SLC37A3: variants seen among roughly 807,000 people sequenced by gnomAD.
SLC37A3 encodes the protein solute carrier family 37 member 3.
In SLC37A3, 51 loss-of-function variants were observed where a neutral mutation model predicts 67.1. The observed-to-expected ratio is 0.76, with a 90% CI of 0.61 to 0.96. SLC37A3 has a LOEUF of 0.96. Ranked by LOEUF, SLC37A3 falls within the 40% of genes least tolerant of loss-of-function variation. The pLI, the probability that SLC37A3 is intolerant of heterozygous loss-of-function variation, is 0.00. For missense variants in SLC37A3, 508 were observed against 603.0 expected, an observed-to-expected ratio of 0.84 and a Z score of 1.65; for synonymous variants, 214 against 231.4, an observed-to-expected ratio of 0.92 and a Z score of 0.68.
rs1797744591 is a variant in SLC37A3, at chr7:140,369,699, G to A, written c.199-17C>T. The A allele has an allele frequency of 6.2e-7, 1 of 1,605,920 alleles. No homozygotes were observed. The highest frequency in any genetic ancestry group is 2.2e-5 in the East Asian group (1 of 44,842). ...GCTCCAGATCTACAGTAAGACAGCA[G>A]GAACAGGTCAGTCCCTGTAGAATCT... On this transcript the variant is annotated splice_polypyrimidine_tract_variant and intron_variant, in intron 3 of 14. Transcript: ENST00000326232.
intron 8 of SLC37A3, 181 bp downstream of exon 8, chr7:140,351,881 A>G: frequency 1.4e-6 from 1 of 717,756 alleles, no homozygotes; most frequent in Non-Finnish European, 2.5e-6. Flanking sequence ...AAACACGTCC[A>G]GCTGTGCCAG....
At chr7:140,349,952 T>A (rs573617985) in intron 9 of SLC37A3, among the ~76,000 whole-genome samples, 1 of 152,354 alleles carries the variant, frequency 6.6e-6, no homozygotes, top group African/African-American at 2.4e-5. Context: ...ATATCATATA[T>A]CATCACTGGG....
In SLC37A3 at chr7:140,364,437, A is replaced by C. The variant is rs1469437417; in HGVS notation, c.346T>G (p.Ser116Ala). 1 of 1,614,082 alleles carries C rather than the reference A, an allele frequency of 6.2e-7. No individual in the cohort carries two copies. The highest frequency in any genetic ancestry group is 8.5e-7 in the Non-Finnish European group (1 of 1,180,022). Residue 116 changes from serine (S) to alanine (A), a missense_variant, in exon 5 of 15, where the codon TCT (serine) becomes GCT (alanine). Coordinates refer to ENST00000326232, the MANE Select transcript of SLC37A3 (RefSeq NM_207113.3). ...AATGCAGAAGAGCACATGCCAAAAG[A>C]CAGAACCCATCGCAAATTCAACCGA... Reference protein sequence around the residue: ...GDRLNLRWVLSFGMCSSALVV... With the variant: ...GDRLNLRWVLAFGMCSSALVV...
intron 1 of SLC37A3, among the ~76,000 whole-genome samples, chr7:140,391,130 T>C (rs1798711097): frequency 6.6e-6 from 1 of 152,212 alleles, no homozygotes; most frequent in African/African-American, 2.4e-5. Context: ...CTTCTCTTTT[T>C]AAACTTCCAA....
intron 10 of SLC37A3, 125 bp downstream of exon 10, chr7:140,348,501 G>A (rs1796665221): frequency 1.0e-6 from 1 of 994,808 alleles, no homozygotes; most frequent in Non-Finnish European, 1.4e-6. Context: ...TTACTAGTAG[G>A]ACAGTTTAGG....
At chr7:140,354,327 CTG>C (rs1196453743) in intron 7 of SLC37A3, among the ~76,000 whole-genome samples, 1 of 152,192 alleles carries the variant, frequency 6.6e-6, no homozygotes, top group African/African-American at 2.4e-5. Context: ...GTTAGTGACT[CTG>C]TTAGTCTTTC....
At chr7:140,382,955 G>A (rs1443887732) in intron 1 of SLC37A3, among the ~76,000 whole-genome samples, 1 of 152,072 alleles carries the variant, frequency 6.6e-6, no homozygotes, top group Non-Finnish European at 1.5e-5. Flanking sequence ...TATTAGAAAT[G>A]TAATTAAGGC....
At chr7:140,358,550 G>A in intron 6 of SLC37A3, 90 bp downstream of exon 6, 1 of 1,551,728 alleles carries the variant, frequency 6.4e-7, no homozygotes, top group South Asian at 1.2e-5. Context: ...TGGTATCTAA[G>A]GCAGCAAAGT....
At chr7:140,343,887 G>A (rs187313453) in intron 12 of SLC37A3, 13 of 278,172 alleles carry the variant, frequency 4.7e-5, no homozygotes, top group Middle Eastern at 2.6e-3. Flanking sequence ...ATTCTATTAC[G>A]GTAGTTGCAT....
At chr7:140,343,286 C>T (rs1796428985) in intron 13 of SLC37A3, 126 bp downstream of exon 13, 1 of 1,348,916 alleles carries the variant, frequency 7.4e-7, no homozygotes, top group African/African-American at 1.5e-5. Context: ...GACGGAAGTC[C>T]TTGGGCTCTG....
chr7:140,369,803 C>T (rs909552405), intron 3 of SLC37A3, 121 bp from the exon 4 acceptor site: 5 of 729,704 alleles, frequency 6.9e-6, no homozygotes. Flanking sequence ...ACTTTTACTT[C>T]AAATGTATTT....
At chr7:140,372,576 A>G (rs540688424) in intron 3 of SLC37A3, among the ~76,000 whole-genome samples, 5 of 152,272 alleles carry the variant, frequency 3.3e-5, no homozygotes, top group African/African-American at 7.2e-5. Flanking sequence ...TAAAAAGCCA[A>G]TGTCGGCTGG....
In SLC37A3 at chr7:140,352,168, TG is replaced by T; in HGVS notation, c.619-23del. 3 of 1,578,028 alleles carry T rather than the reference TG, an allele frequency of 1.9e-6. No individual in the cohort carries two copies. In the South Asian group the frequency reaches 3.3e-5, roughly 18 times the overall value. On this transcript the variant is annotated intron_variant, in intron 7 of 14. Coordinates refer to ENST00000326232, the MANE Select transcript of SLC37A3 (RefSeq NM_207113.3). ...CATACTGGAGGAGAGGGGTGAAAGG[TG>T]GTCCTTACATATCTGGGGACAGTCA...
chr7:140,340,850 G>T (rs965089781), intron 13 of SLC37A3, among the ~76,000 whole-genome samples: 3 of 151,994 alleles, frequency 2.0e-5, no homozygotes, highest in Non-Finnish European at 4.4e-5. Context: ...AAAATTGCTT[G>T]AGTCCCAGAA....
At chr7:140,353,684 C>A (rs1029019192) in intron 7 of SLC37A3, among the ~76,000 whole-genome samples, 1 of 151,878 alleles carries the variant, frequency 6.6e-6, no homozygotes, top group Non-Finnish European at 1.5e-5. Context: ...CAGTTTTGCA[C>A]CCTTGCTGTC....
intron 1 of SLC37A3, among the ~76,000 whole-genome samples, chr7:140,384,692 C>G (rs891490394): frequency 9.2e-5 from 14 of 152,148 alleles, no homozygotes; most frequent in Non-Finnish European, 1.3e-4. Flanking sequence ...GCACTCCAGC[C>G]TGTACCACAG....
At chr7:140,371,298 C>T (rs1212183768) in intron 3 of SLC37A3, among the ~76,000 whole-genome samples, 2 of 152,200 alleles carry the variant, frequency 1.3e-5, no homozygotes, top group Non-Finnish European at 2.9e-5. Context: ...GCCTCAGCCT[C>T]CCTCAGCTGG....
Position 140,345,211 on chromosome 7 carries a change from C to CGTA in SLC37A3, c.1174+2_1174+4dup. On this transcript the variant is annotated splice_donor_region_variant and intron_variant, in intron 12 of 14. Transcript: ENST00000326232. ...AGCATGGTGGAGCAGAGCCATGTGCCGTACCTGTAACAGTCATCAGAAGGG... is the reference window on the plus strand; with the variant it reads ...AGCATGGTGGAGCAGAGCCATGTGCCGTAGTACCTGTAACAGTCATCAGAAGGG... 1 of 1,612,672 alleles carries CGTA rather than the reference C, an allele frequency of 6.2e-7. No individual in the cohort carries two copies. Among genetic ancestry groups the CGTA allele is most frequent in the Non-Finnish European group, 8.5e-7 (1 of 1,178,796 alleles).
chr7:140,392,550 G>A (rs889314245), intron 1 of SLC37A3, among the ~76,000 whole-genome samples: 1 of 152,026 alleles, frequency 6.6e-6, no homozygotes, highest in Non-Finnish European at 1.5e-5. Flanking sequence ...TACCTTGACA[G>A]CTTCTGCTTA....
Sources: gnomAD v4.1 joint callset for allele counts (sites outside exome capture counted in the v4.1 genomes callset) on GRCh38, gnomAD v4.1.1 for gene constraint, MANE v1.5 for transcripts, NCBI Gene and HGNC (gene_info 2026-07-23, HGNC 2026-07-21) for gene names.